NEDD4L: variants seen among roughly 807,000 people sequenced by gnomAD.
The protein encoded by NEDD4L is E3 ubiquitin-protein ligase NEDD4-like.
Under a neutral mutation model 148.9 loss-of-function variants are expected in NEDD4L, and 54 were observed. That is an observed-to-expected ratio of 0.36 (90% CI 0.29 to 0.45). The LOEUF is 0.45. Ranked by LOEUF, NEDD4L falls within the 20% of genes least tolerant of loss-of-function variation. The pLI, the probability that NEDD4L is intolerant of heterozygous loss-of-function variation, is 1.00. For synonymous variants in NEDD4L, 433 were observed against 440.7 expected, an observed-to-expected ratio of 0.98 and a Z score of 0.22; for missense variants, 856 against 1,233.8, an observed-to-expected ratio of 0.69 and a Z score of 4.59.
intron 2 of NEDD4L, among the ~76,000 whole-genome samples, chr18:58,167,199 T>C (rs2036959800): frequency 1.3e-5 from 2 of 152,218 alleles, no homozygotes; most frequent in African/African-American, 4.8e-5. Context: ...GCTGGTAATG[T>C]CAGAGTGAAG....
chr18:58,290,641 C>T (rs1007948185), intron 5 of NEDD4L, among the ~76,000 whole-genome samples: 2 of 150,936 alleles, frequency 1.3e-5, no homozygotes, highest in African/African-American at 4.9e-5. Context: ...ATGTCTCCTA[C>T]AAATTAGAGT....
intron 30 of NEDD4L, 121 bp from the exon 31 acceptor site, chr18:58,396,046 C>T: frequency 1.7e-6 from 1 of 602,266 alleles, no homozygotes. Context: ...TTTTTTTCTC[C>T]AGGTAATCAA....
intron 24 of NEDD4L, among the ~76,000 whole-genome samples, chr18:58,376,669 G>T (rs115166087): frequency 2.0e-5 from 3 of 152,106 alleles, no homozygotes; most frequent in East Asian, 3.8e-4. Context: ...ATCCAATATG[G>T]CTTCTTATAA....
chr18:58,261,202 A>G (rs2049324554), intron 5 of NEDD4L, among the ~76,000 whole-genome samples: 1 of 152,242 alleles, frequency 6.6e-6, no homozygotes, highest in African/African-American at 2.4e-5. Flanking sequence ...CACCAAATAC[A>G]GTCTTGGAAA....
At chr18:58,337,273 T>C (rs1402610942) in intron 13 of NEDD4L, among the ~76,000 whole-genome samples, 4 of 152,232 alleles carry the variant, frequency 2.6e-5, no homozygotes, top group Non-Finnish European at 5.9e-5. Flanking sequence ...TTGGTAGATG[T>C]AGATAGATCT....
intron 2 of NEDD4L, among the ~76,000 whole-genome samples, chr18:58,183,889 G>T (rs1310305005): frequency 6.6e-6 from 1 of 152,144 alleles, no homozygotes; most frequent in African/African-American, 2.4e-5. Flanking sequence ...GACTTCTAAG[G>T]CCAGGCATGG....
At chr18:58,234,529 C>T (rs1294349847) in intron 2 of NEDD4L, among the ~76,000 whole-genome samples, 3 of 151,910 alleles carry the variant, frequency 2.0e-5, no homozygotes, top group Non-Finnish European at 4.4e-5. Context: ...GAGATAGGGT[C>T]TCACTATGTT....
Position 58,333,828 on chromosome 18 carries a change from C to T in NEDD4L, c.1001C>T (p.Pro334Leu), listed in dbSNP as rs2041359266. ...EQFSSLIQRE[P>L]SSRLRSCSVT... ...TTCCTCTCCTTCCAGCAAAGAGAAC[C>T]CTCCTCAAGGTTGAGGTCATGCAGT... Residue 334 changes from proline to leucine, a missense_variant, in exon 12 of 31, where the codon CCC (proline) becomes CTC (leucine). Physicochemically the swap from Pro to Leu is moderately conservative, Grantham distance 98 (BLOSUM62 -3). Coordinates refer to ENST00000400345, the MANE Select transcript of NEDD4L (RefSeq NM_001144967.3). 1.9e-6 allele frequency: 3 copies of T among 1,613,360 alleles called. No individual in the cohort carries two copies. The highest frequency in any genetic ancestry group is 2.5e-6 in the Non-Finnish European group (3 of 1,179,392).
intron 1 of NEDD4L, among the ~76,000 whole-genome samples, chr18:58,135,240 G>T (rs1008863840): frequency 1.3e-5 from 2 of 152,218 alleles, no homozygotes; most frequent in African/African-American, 4.8e-5. Flanking sequence ...AATGAGGGAA[G>T]AAATGAATAT....
intron 11 of NEDD4L, among the ~76,000 whole-genome samples, chr18:58,332,014 A>G (rs1376238733): frequency 6.6e-6 from 1 of 152,248 alleles, no homozygotes; most frequent in Non-Finnish European, 1.5e-5. Context: ...GAAATTGCAT[A>G]TATATGGGAT....
Position 58,396,453 on chromosome 18 carries a change from G to A in NEDD4L, c.*184G>A. 1.9e-6 allele frequency: 1 copy of A among 520,346 alleles called. No homozygotes were observed. The highest frequency in any genetic ancestry group is 3.5e-6 in the Non-Finnish European group (1 of 287,034). The allele number at this position is 520,346 out of a possible 1,614,324, so 32.2% of individuals were successfully genotyped here. A position where few individuals can be genotyped will look rare whatever the true frequency, so the allele number is the denominator to read the frequency against. On this transcript the variant is annotated 3_prime_UTR_variant, in exon 31 of 31. Transcript: ENST00000400345. ...GAACCTGGTCCCAGCTTGAGTTCCT[G>A]CCTTTCCCACCACAAATTATCAACT... is the stretch of plus-strand genomic sequence containing the variant.
At chr18:58,276,181 C>A (rs2148886310) in intron 5 of NEDD4L, among the ~76,000 whole-genome samples, 1 of 131,210 alleles carries the variant, frequency 7.6e-6, no homozygotes, top group Admixed American at 7.7e-5. Flanking sequence ...ATTTAATGTG[C>A]ATTTTCTTTT....
intron 5 of NEDD4L, among the ~76,000 whole-genome samples, chr18:58,259,736 A>C (rs1351220352): frequency 6.6e-6 from 1 of 152,196 alleles, no homozygotes; most frequent in African/African-American, 2.4e-5. Flanking sequence ...CACCCGGACA[A>C]AAGCAGTAAT....
At chr18:58,262,860 C>G (rs2049629260) in intron 5 of NEDD4L, among the ~76,000 whole-genome samples, 1 of 152,154 alleles carries the variant, frequency 6.6e-6, no homozygotes, top group Admixed American at 6.5e-5. Flanking sequence ...CATGCCATGT[C>G]CTAAACGGGC....
Position 58,267,180 on chromosome 18 carries a change from A to G in NEDD4L, c.297+15126A>G, listed in dbSNP as rs529159485. ...TGAAAAACTCTAGGGTTACAAGAAT[A>G]TGCTCCTGAAGTTAACATAGTTACT... On this transcript the variant is annotated intron_variant, in intron 5 of 30. Coordinates refer to ENST00000400345, the MANE Select transcript of NEDD4L (RefSeq NM_001144967.3). Among the ~76,000 whole-genome samples, 37 of 152,216 alleles carry G rather than the reference A, an allele frequency of 2.4e-4. 1 individual carries two copies. The South Asian group carries it at 3.1e-3, about 13-fold the overall frequency.
chr18:58,308,236 T>C (rs2057286009), intron 5 of NEDD4L, among the ~76,000 whole-genome samples: 1 of 152,248 alleles, frequency 6.6e-6, no homozygotes. Context: ...TTATATTCAT[T>C]AAAATGTTTT....
intron 2 of NEDD4L, chr18:58,195,584 C>A: frequency 1.5e-6 from 2 of 1,340,648 alleles, no homozygotes; most frequent in East Asian, 4.7e-5. Context: ...CCTCCCACTC[C>A]AGGCTGTTGG....
intron 2 of NEDD4L, among the ~76,000 whole-genome samples, chr18:58,204,638 A>T (rs1199207320): frequency 6.6e-6 from 1 of 152,180 alleles, no homozygotes; most frequent in Non-Finnish European, 1.5e-5. Context: ...TTTCCTTCAC[A>T]TTATGTTAAC....
chr18:58,104,416 C>T (rs2084946436), intron 1 of NEDD4L, among the ~76,000 whole-genome samples: 2 of 152,060 alleles, frequency 1.3e-5, no homozygotes, highest in Admixed American at 6.5e-5. Context: ...TGCAACCACG[C>T]GGACGTGGTG....
Sources: gnomAD v4.1 joint callset for allele counts (sites outside exome capture counted in the v4.1 genomes callset) on GRCh38, gnomAD v4.1.1 for gene constraint, MANE v1.5 for transcripts, NCBI Gene and HGNC (gene_info 2026-07-23, HGNC 2026-07-21) for gene names.